The following DSCAML1 variants were observed in gnomAD, a reference collection of about 807,000 sequenced individuals.
DSCAML1 encodes DS cell adhesion molecule like 1.
Under a neutral mutation model 200.5 loss-of-function variants are expected in DSCAML1, and 38 were observed. The ratio of observed to expected loss-of-function variants is 0.19; its 90% CI spans 0.15 to 0.25. The LOEUF (loss-of-function observed/expected upper bound fraction) is 0.25, where lower values mean the gene tolerates loss of function less well. Ranked by LOEUF, DSCAML1 falls within the 10% of genes least tolerant of loss-of-function variation. The probability of loss-of-function intolerance (pLI) is 1.00; values close to 1 mark genes in which losing one functional copy is unlikely to be tolerated. For missense variants in DSCAML1, 2,223 were observed against 2,858.8 expected, an observed-to-expected ratio of 0.78 and a Z score of 5.07; for synonymous variants, 1,215 against 1,165.0, an observed-to-expected ratio of 1.04 and a Z score of -0.87.
At chr11:117,727,673 G>C (rs1216425380) in intron 3 of DSCAML1, among the ~76,000 whole-genome samples, 6 of 152,198 alleles carry the variant, frequency 3.9e-5, no homozygotes, top group Admixed American at 3.9e-4. Context: ...TTTTAGCAGG[G>C]AAGACAAACA....
intron 3 of DSCAML1, among the ~76,000 whole-genome samples, chr11:117,650,486 C>G (rs2052607984): frequency 6.6e-6 from 1 of 152,144 alleles, no homozygotes; most frequent in South Asian, 2.1e-4. Flanking sequence ...CTCTCCAGCT[C>G]TTTTCCAGGA....
chr11:117,717,207 G>C (rs886263899), intron 3 of DSCAML1, among the ~76,000 whole-genome samples: 3 of 152,126 alleles, frequency 2.0e-5, no homozygotes, highest in Admixed American at 6.5e-5. Context: ...GGTAGGGCCC[G>C]AGAGCGGCCA....
chr11:117,676,002 G>A (rs1464574635), intron 3 of DSCAML1, among the ~76,000 whole-genome samples: 1 of 152,180 alleles, frequency 6.6e-6, no homozygotes, highest in Non-Finnish European at 1.5e-5. Context: ...GGAAGTAGAG[G>A]AGGAAATAGC....
At chr11:117,679,682 T>C (rs895742561) in intron 3 of DSCAML1, among the ~76,000 whole-genome samples, 1 of 152,166 alleles carries the variant, frequency 6.6e-6, no homozygotes, top group East Asian at 1.9e-4. Flanking sequence ...TCTATTCTAA[T>C]GTAATCCACA....
intron 8 of DSCAML1, among the ~76,000 whole-genome samples, chr11:117,513,071 G>C (rs113893821): frequency 6.6e-6 from 1 of 152,090 alleles, no homozygotes; most frequent in African/African-American, 2.4e-5. Flanking sequence ...GCTGGCGCAG[G>C]GAGTGGAGCA....
intron 19 of DSCAML1, among the ~76,000 whole-genome samples, chr11:117,452,165 C>G (rs975799196): frequency 6.6e-6 from 1 of 152,202 alleles, no homozygotes; most frequent in African/African-American, 2.4e-5. Context: ...GTTCAAATCT[C>G]TATCCTTGCA....
At chr11:117,532,888 G>T (rs971284459) in intron 3 of DSCAML1, among the ~76,000 whole-genome samples, 3 of 152,156 alleles carry the variant, frequency 2.0e-5, no homozygotes, top group Admixed American at 1.3e-4. Context: ...GCTTTGGGAG[G>T]CTGAGGCAGG....
chr11:117,597,517 G>A (rs559759686), intron 3 of DSCAML1, among the ~76,000 whole-genome samples: 1 of 152,302 alleles, frequency 6.6e-6, no homozygotes, highest in East Asian at 1.9e-4. Context: ...GGCACGATCT[G>A]AGCTCACTGC....
chr11:117,796,981 G>GCGCCACCCTGGCCCCGCCGCCTC, intron 1 of DSCAML1, 53 bp downstream of exon 1: 18 of 1,247,158 alleles, frequency 1.4e-5, no homozygotes, highest in Non-Finnish European at 1.8e-5. Flanking sequence ...GCCGCCAGCC[G>GCGCCACCCTGGCCCCGCCGCCTC]CGCCACCCTG....
chr11:117,552,967 G>T (rs2050495283), intron 3 of DSCAML1, among the ~76,000 whole-genome samples: 1 of 152,196 alleles, frequency 6.6e-6, no homozygotes, highest in Non-Finnish European at 1.5e-5. Context: ...GACACTGCTT[G>T]CTGTCTATAC....
At chr11:117,765,509 CTCACACCTACGA>C (rs1283282737) in intron 3 of DSCAML1, among the ~76,000 whole-genome samples, 1 of 152,194 alleles carries the variant, frequency 6.6e-6, no homozygotes, top group Non-Finnish European at 1.5e-5. Flanking sequence ...CTCCTAAATG[CTCACACCTACGA>C]TCACACCTAT....
intron 11 of DSCAML1, among the ~76,000 whole-genome samples, chr11:117,494,384 C>T (rs1049335405): frequency 6.6e-6 from 1 of 152,188 alleles, no homozygotes; most frequent in Admixed American, 6.5e-5. Context: ...ATATGAGACC[C>T]GGTTACTGAA....
At chr11:117,797,370 A>G (rs1227759860), upstream of DSCAML1, 3 of 1,029,342 alleles carry the variant, frequency 2.9e-6, no homozygotes, top group African/African-American at 5.1e-5. Context: ...AAGCCCAGGA[A>G]CAGGAGCGGC....
intron 3 of DSCAML1, among the ~76,000 whole-genome samples, chr11:117,755,593 C>T (rs1222573210): frequency 2.0e-5 from 3 of 152,222 alleles, no homozygotes; most frequent in African/African-American, 7.2e-5. Flanking sequence ...GACAACATCT[C>T]CTCTTGACTA....
Position 117,437,983 on chromosome 11 carries a change from G to T in DSCAML1, c.4344C>A (p.Gly1448=). 6.2e-7 allele frequency: 1 copy of T among 1,614,116 alleles called. No homozygotes were observed. ...RSFKLDSLKC[G]TWYKVKLAAK... ...CTGCCAGCTTCACCTTGTACCACGT[G>T]CCACACTTGAGGCTGTCCAGCTTGA... The change falls in exon 25 of 33, where the codon GGC becomes GGA. Residue 1448 remains glycine, a synonymous_variant. Transcript: ENST00000651296. This position sits in a 1 kb window ranked among gnomAD's most constrained non-coding sequence, Gnocchi z 5.3.
At position 117,518,646 on chromosome 11, in the gene DSCAML1, C is replaced by T. The variant is rs1193109859; in HGVS notation, c.1330G>A (p.Asp444Asn). The change falls in exon 7 of 33, where the codon GAC becomes AAC. Residue 444 changes from aspartate to asparagine, a missense_variant. Physicochemically the swap from Asp to Asn is conservative, Grantham distance 23. Around this residue, in one of 7 missense-constraint regions of DSCAML1, gnomAD observed 579 missense variants for 721.5 expected, o/e 0.80. Transcript: ENST00000651296. The surrounding 1 kb of genome is among the most constrained non-coding windows in gnomAD (Gnocchi z 6.3). ...CCATCCCGCACGATGGGCTCATCGT[C>T]GAGGGCCCAGGTGACCGTGGGGGGC... Reference protein sequence around the residue: ...APPPTVTWALDDEPIVRDGSH... With the variant: ...APPPTVTWALNDEPIVRDGSH... 7 of 1,613,262 alleles carry T rather than the reference C, an allele frequency of 4.3e-6. No homozygotes were observed. Among genetic ancestry groups the T allele is most frequent in the African/African-American group, 1.3e-5 (1 of 74,934 alleles).
intron 1 of DSCAML1, 89 bp downstream of exon 1, chr11:117,796,945 C>CTGGA: frequency 9.4e-7 from 1 of 1,064,880 alleles, no homozygotes; most frequent in Non-Finnish European, 1.2e-6. Context: ...CCCCACGCAC[C>CTGGA]TGGAGCCCGC....
chr11:117,442,347 TGC>T (rs1388977516), intron 21 of DSCAML1, among the ~76,000 whole-genome samples: 4 of 148,340 alleles, frequency 2.7e-5, no homozygotes, highest in East Asian at 4.2e-4. Flanking sequence ...TGTATGTGTG[TGC>T]ATGTGTGTAT....
chr11:117,658,283 C>T lies in DSCAML1; in HGVS notation c.511+118508G>A, dbSNP rs917753608. Among the ~76,000 whole-genome samples, 6 of 152,182 alleles carry T rather than the reference C, an allele frequency of 3.9e-5. 1 individual carries two copies. Among genetic ancestry groups the T allele is most frequent in the African/African-American group, 9.7e-5 (4 of 41,426 alleles). ...GAGGCACAGTATCAGATTATCTGAGCTTGAACAGTTTGCCAGCGCTATGCC... is the reference window on the plus strand; with the variant it reads ...GAGGCACAGTATCAGATTATCTGAGTTTGAACAGTTTGCCAGCGCTATGCC... On this transcript the variant is annotated intron_variant, in intron 3 of 32. Transcript: ENST00000651296.
Sources: gnomAD v4.1 joint callset for allele counts (sites outside exome capture counted in the v4.1 genomes callset) on GRCh38, gnomAD v4.1.1 for gene constraint, gnomAD v4.1.1 regional missense constraint, Gnocchi (gnomAD v3.1) non-coding constraint, MANE v1.5 for transcripts, NCBI Gene and HGNC (gene_info 2026-07-23, HGNC 2026-07-21) for gene names.